Variants in MOCOS observed in about 807,000 individuals in gnomAD.
MOCOS encodes the protein molybdenum cofactor sulfurase.
In MOCOS, 86 loss-of-function variants were observed where a neutral mutation model predicts 83.6. The observed-to-expected ratio is 1.03, with a 90% CI of 0.86 to 1.23. The LOEUF (loss-of-function observed/expected upper bound fraction) is 1.23. Ranked by LOEUF, MOCOS falls within the 50% of genes most tolerant of loss-of-function variation. MOCOS has a pLI of 0.00. For synonymous variants in MOCOS, 445 were observed against 434.7 expected (o/e 1.02, Z -0.29); for missense variants, 1,120 against 1,126.9 (o/e 0.99, Z 0.09).
intron 1 of MOCOS, among the ~76,000 whole-genome samples, chr18:36,192,649 GTTTTA>G (rs1253288014): frequency 3.3e-5 from 5 of 152,084 alleles, no homozygotes; most frequent in Admixed American, 1.3e-4. Flanking sequence ...CAAAGCAATC[GTTTTA>G]TTTTATTTTT....
rs1283587584 is a variant in MOCOS, at chr18:36,215,546, C to G, written c.1366C>G (p.Leu456Val). Residue 456 changes from leucine to valine, a missense_variant, in exon 8 of 15, where the codon CTC becomes GTC. Transcript: ENST00000261326. Reference sequence around the variant, plus strand: ...TCATGTCTGTGGGGACAATATGGACCTCATAGATGGGCAGCCCACAGGATC... The same window carrying G: ...TCATGTCTGTGGGGACAATATGGACGTCATAGATGGGCAGCCCACAGGATC... ...AGHVCGDNMD[L>V]IDGQPTGSVR... The G allele has an allele frequency of 1.9e-6, 3 of 1,614,010 alleles. No individual in the cohort carries two copies. The African/African-American group carries it at 4.0e-5, about 22-fold the overall frequency.
intron 9 of MOCOS, among the ~76,000 whole-genome samples, chr18:36,222,214 G>A (rs902529439): frequency 2.0e-5 from 3 of 152,096 alleles, no homozygotes; most frequent in Non-Finnish European, 2.9e-5. Flanking sequence ...ATATCTCTTC[G>A]GTATCCTGGT....
chr18:36,232,572 G>C (rs1319596399), intron 9 of MOCOS, among the ~76,000 whole-genome samples: 2 of 151,950 alleles, frequency 1.3e-5, no homozygotes, highest in East Asian at 1.9e-4. Context: ...TTGTGCTACA[G>C]AATACTAGAC....
Position 36,268,890 on chromosome 18 carries a change from G to C in MOCOS, c.*205G>C, listed in dbSNP as rs2091690489. 2 of 591,130 alleles carry C rather than the reference G, an allele frequency of 3.4e-6. No individual in the cohort carries two copies. Among genetic ancestry groups the C allele is most frequent in the Non-Finnish European group, 6.0e-6 (2 of 334,658 alleles). 36.6% of individuals were successfully genotyped at this position (591,130 alleles called of 1,614,324 possible). ...CTGTGCTCAGGAGAGCACTTCTGAG[G>C]CCTCAGGAACGAATGCTGCACCCAC... On this transcript the variant is annotated 3_prime_UTR_variant, in exon 15 of 15. Coordinates refer to ENST00000261326, the MANE Select transcript of MOCOS (RefSeq NM_017947.4).
chr18:36,209,578 G>T (rs2091446751), intron 6 of MOCOS, among the ~76,000 whole-genome samples: 1 of 151,956 alleles, frequency 6.6e-6, no homozygotes. Flanking sequence ...TTATAAGTGA[G>T]AACATATGAT....
In MOCOS at chr18:36,260,023, G is replaced by A. The variant is rs1286296901; in HGVS notation, c.2271-14G>A. ...ATCCTCCCCCTACTTACTCTTTTTG[G>A]TTGCTTTAATCAGTGATGAGAATGG... On this transcript the variant is annotated splice_polypyrimidine_tract_variant and intron_variant, in intron 12 of 14. Coordinates refer to ENST00000261326, the MANE Select transcript of MOCOS (RefSeq NM_017947.4). 2 of 1,614,074 alleles carry A rather than the reference G, an allele frequency of 1.2e-6. No homozygotes were observed. Among genetic ancestry groups the A allele is most frequent in the South Asian group, 2.2e-5 (2 of 91,086 alleles).
chr18:36,202,169 A>C (rs1169644657), intron 4 of MOCOS, among the ~76,000 whole-genome samples: 1 of 152,216 alleles, frequency 6.6e-6, no homozygotes, highest in Non-Finnish European at 1.5e-5. Context: ...TACTCAACCT[A>C]AAGGTTTATT....
At chr18:36,203,684 T>A (rs1389063066) in intron 5 of MOCOS, among the ~76,000 whole-genome samples, 3 of 152,252 alleles carry the variant, frequency 2.0e-5, no homozygotes, top group African/African-American at 4.8e-5. Flanking sequence ...AACCACTGTG[T>A]CTGCCGATGG....
chr18:36,226,257 T>A (rs551975621), intron 9 of MOCOS, among the ~76,000 whole-genome samples: 11 of 152,326 alleles, frequency 7.2e-5, no homozygotes, highest in African/African-American at 1.9e-4. Context: ...TTGATCATTT[T>A]ATCATCATAA....
At position 36,270,046 on chromosome 18, in the gene MOCOS, T is replaced by C. The variant is rs1369929342; in HGVS notation, c.*1361T>C. ...CAAGGATTGTTGAGATGGAGCCTAA[T>C]GATTGCACACTCACGTGCTGTGAAG... On this transcript the variant is annotated 3_prime_UTR_variant, in exon 15 of 15. Transcript: ENST00000261326. 6.6e-6 allele frequency: 1 copy of C among 152,222 alleles called. No homozygotes were observed. The highest frequency in any genetic ancestry group is 6.5e-5 in the Admixed American group (1 of 15,284). 9.4% of individuals were successfully genotyped at this position (152,222 alleles called of 1,614,324 possible).
At chr18:36,216,236 G>T (rs1290149078) in intron 8 of MOCOS, among the ~76,000 whole-genome samples, 1 of 152,194 alleles carries the variant, frequency 6.6e-6, no homozygotes, top group Non-Finnish European at 1.5e-5. Context: ...TTCACTGAAT[G>T]TGTGTGCTGG....
At chr18:36,231,310 T>C (rs1598583180) in intron 9 of MOCOS, among the ~76,000 whole-genome samples, 1 of 152,206 alleles carries the variant, frequency 6.6e-6, no homozygotes, top group Admixed American at 6.5e-5. Context: ...TTGCTGGGTT[T>C]GGTTTGCTAA....
At position 36,271,282 on chromosome 18, in the gene MOCOS, C is replaced by T. The variant is rs1211934651; in HGVS notation, c.*2597C>T. The T allele has an allele frequency of 6.6e-6, 1 of 152,092 alleles. No individual in the cohort carries two copies. The highest frequency in any genetic ancestry group is 2.4e-5 in the African/African-American group (1 of 41,410). 9.4% of individuals were successfully genotyped at this position (152,092 alleles called of 1,614,324 possible). ...CCAGTATATCTCTAGTGTCAGCAGA[C>T]AATACTCAAAATTTGTTGACAGACT... On this transcript the variant is annotated 3_prime_UTR_variant, in exon 15 of 15. Transcript: ENST00000261326.
At chr18:36,247,041 G>A (rs1189757539) in intron 9 of MOCOS, among the ~76,000 whole-genome samples, 3 of 152,012 alleles carry the variant, frequency 2.0e-5, no homozygotes, top group Non-Finnish European at 4.4e-5. Context: ...TGGCCACTCT[G>A]GGGGTGGGGG....
intron 9 of MOCOS, among the ~76,000 whole-genome samples, chr18:36,230,488 C>T (rs2091533872): frequency 6.6e-6 from 1 of 152,176 alleles, no homozygotes; most frequent in African/African-American, 2.4e-5. Flanking sequence ...TTCAGGGGGT[C>T]ACTACCAACT....
intron 11 of MOCOS, among the ~76,000 whole-genome samples, chr18:36,254,981 C>G (rs528161524): frequency 8.5e-5 from 13 of 152,248 alleles, no homozygotes; most frequent in Non-Finnish European, 1.0e-4. Context: ...TCACCTTGGC[C>G]TCCCAAAGTG....
chr18:36,232,241 C>T (rs1237470064), intron 9 of MOCOS, among the ~76,000 whole-genome samples: 2 of 152,196 alleles, frequency 1.3e-5, no homozygotes, highest in African/African-American at 4.8e-5. Context: ...TCTGAAATTG[C>T]TGAGATTCCA....
At chr18:36,217,124 T>C (rs944290078) in intron 8 of MOCOS, among the ~76,000 whole-genome samples, 1 of 152,218 alleles carries the variant, frequency 6.6e-6, no homozygotes, top group African/African-American at 2.4e-5. Context: ...GAATGGAGTC[T>C]ATTGATTAGT....
chr18:36,191,382 CAG>C (rs1243512609), intron 1 of MOCOS, among the ~76,000 whole-genome samples: 1 of 152,220 alleles, frequency 6.6e-6, no homozygotes, highest in East Asian at 1.9e-4. Flanking sequence ...GTGTCTACCT[CAG>C]AGTCAATTGC....
Sources: allele counts gnomAD v4.1 joint callset (sites outside exome capture counted in the v4.1 genomes callset), GRCh38; gene constraint gnomAD v4.1.1; transcripts MANE v1.5; gene names NCBI Gene and HGNC (gene_info 2026-07-23, HGNC 2026-07-21).